TESC: variants seen among roughly 807,000 people sequenced by gnomAD.
The protein encoded by TESC is calcineurin B homologous protein 3.
A neutral mutation model predicts 31.0 loss-of-function variants in TESC; 19 were observed. That is an observed-to-expected ratio of 0.61 (90% CI 0.43 to 0.90). The LOEUF (loss-of-function observed/expected upper bound fraction) is 0.90. Among genes scored for constraint, TESC ranks in the 40% least tolerant of loss-of-function variants. TESC has a pLI of 0.00. For missense variants in TESC, 248 were observed against 303.8 expected (o/e 0.82, Z 1.36); for synonymous variants, 109 against 114.8 (o/e 0.95, Z 0.32).
chr12:117,051,022 G>A (rs1263343563), intron 3 of TESC, among the ~76,000 whole-genome samples: 3 of 152,166 alleles, frequency 2.0e-5, no homozygotes, highest in Non-Finnish European at 4.4e-5. Flanking sequence ...GACCATGAGC[G>A]CCCGAGGCTG....
intron 4 of TESC, among the ~76,000 whole-genome samples, chr12:117,048,196 C>T (rs1237655673): frequency 1.3e-5 from 2 of 152,214 alleles, no homozygotes; most frequent in African/African-American, 2.4e-5. Context: ...CGTTTGCCCA[C>T]GGCCACACCA....
chr12:117,095,049 A>G (rs1053337792), intron 1 of TESC, among the ~76,000 whole-genome samples: 1 of 149,704 alleles, frequency 6.7e-6, no homozygotes, highest in Non-Finnish European at 1.5e-5. Context: ...AGACAAGGTT[A>G]AGAGGAAAGG....
At chr12:117,087,638 C>A (rs771586841) in intron 1 of TESC, among the ~76,000 whole-genome samples, 6 of 152,222 alleles carry the variant, frequency 3.9e-5, no homozygotes, top group Admixed American at 3.9e-4. Flanking sequence ...CTTCCTACAG[C>A]TATGCTCTGT....
chr12:117,094,453 C>T (rs748073065), intron 1 of TESC, among the ~76,000 whole-genome samples: 1 of 152,148 alleles, frequency 6.6e-6, no homozygotes, highest in Non-Finnish European at 1.5e-5. Context: ...GCCCCTTTAA[C>T]GTGAGCCTCT....
chr12:117,088,720 A>G (rs1348332577), intron 1 of TESC, among the ~76,000 whole-genome samples: 1 of 151,832 alleles, frequency 6.6e-6, no homozygotes, highest in Non-Finnish European at 1.5e-5. Context: ...CTTCAGTAGG[A>G]CACTTAGATC....
At chr12:117,068,587 C>G in intron 2 of TESC, among the ~76,000 whole-genome samples, 1 of 152,158 alleles carries the variant, frequency 6.6e-6, no homozygotes, top group East Asian at 1.9e-4. Flanking sequence ...GGAGTTAGGA[C>G]ATTTTGCTGA....
intron 2 of TESC, among the ~76,000 whole-genome samples, chr12:117,057,902 A>G (rs1954748434): frequency 6.6e-6 from 1 of 152,164 alleles, no homozygotes; most frequent in Non-Finnish European, 1.5e-5. Context: ...TAGATGCTAC[A>G]ACACAAATGA....
At chr12:117,064,337 A>T (rs544095319) in intron 2 of TESC, among the ~76,000 whole-genome samples, 40 of 152,336 alleles carry the variant, frequency 2.6e-4, no homozygotes, top group Admixed American at 1.9e-3. Context: ...ATTTTTGCAC[A>T]GAAGATTCTG....
chr12:117,062,835 C>A (rs1954817112), intron 2 of TESC, among the ~76,000 whole-genome samples: 3 of 152,216 alleles, frequency 2.0e-5, no homozygotes, highest in Non-Finnish European at 4.4e-5. Flanking sequence ...GCAGCCCAGG[C>A]TGCAGCCATG....
intron 2 of TESC, among the ~76,000 whole-genome samples, chr12:117,059,924 G>C (rs1254757525): frequency 6.6e-6 from 1 of 152,138 alleles, no homozygotes; most frequent in Non-Finnish European, 1.5e-5. Context: ...CCACAGCACG[G>C]ATATACCTGG....
intron 2 of TESC, among the ~76,000 whole-genome samples, chr12:117,072,862 T>G (rs1305428046): frequency 6.6e-6 from 1 of 152,192 alleles, no homozygotes; most frequent in Non-Finnish European, 1.5e-5. Context: ...ACTGCAGTCT[T>G]GAACCCCTGG....
intron 2 of TESC, among the ~76,000 whole-genome samples, chr12:117,058,383 G>A (rs988672879): frequency 6.6e-6 from 1 of 152,100 alleles, no homozygotes. Context: ...GTTGTCAGGG[G>A]GTTGGGGAGA....
intron 1 of TESC, among the ~76,000 whole-genome samples, chr12:117,083,696 A>G (rs868744629): frequency 1.6e-4 from 24 of 152,232 alleles, no homozygotes; most frequent in African/African-American, 5.8e-4. Context: ...AGGCAAATCT[A>G]GTGAGAAATG....
rs116365174 is a variant in TESC, at chr12:117,064,532, C to T, written c.129-7646G>A. Among the ~76,000 whole-genome samples the T allele has an allele frequency of 2.2e-3, 328 of 152,308 alleles. 4 individuals are homozygous for T. Among genetic ancestry groups the T allele is most frequent in the African/African-American group, 7.5e-3 (312 of 41,580 alleles). On this transcript the variant is annotated intron_variant, in intron 2 of 7. Coordinates refer to ENST00000335209, the MANE Select transcript of TESC (RefSeq NM_017899.4). ...TGAAAGCAACTCAGCGACAAGCATTCGAGCCCCTTCAAGGAGCCAGGCACT... is the reference window on the plus strand; with the variant it reads ...TGAAAGCAACTCAGCGACAAGCATTTGAGCCCCTTCAAGGAGCCAGGCACT...
intron 1 of TESC, among the ~76,000 whole-genome samples, chr12:117,076,231 C>T (rs1477871555): frequency 6.6e-6 from 1 of 151,302 alleles, no homozygotes; most frequent in Non-Finnish European, 1.5e-5. Context: ...AGATGAGTAG[C>T]GAGAGGAAAT....
chr12:117,046,517 G>A, intron 6 of TESC, 42 bp downstream of exon 6: 1 of 1,517,928 alleles, frequency 6.6e-7, no homozygotes, highest in Non-Finnish European at 8.9e-7. Context: ...CCATAAGCGG[G>A]AAAGGCACTG....
chr12:117,071,214 C>G (rs1954967849), intron 2 of TESC, among the ~76,000 whole-genome samples: 1 of 152,202 alleles, frequency 6.6e-6, no homozygotes, highest in Admixed American at 6.5e-5. Flanking sequence ...TTCCTTTGTT[C>G]TTTCATTCAT....
intron 2 of TESC, among the ~76,000 whole-genome samples, chr12:117,070,172 C>T (rs1172770669): frequency 3.3e-5 from 5 of 152,162 alleles, no homozygotes; most frequent in Non-Finnish European, 5.9e-5. Flanking sequence ...GGTTGAAGAC[C>T]GGGCCTGGGG....
intron 3 of TESC, among the ~76,000 whole-genome samples, chr12:117,050,777 T>C (rs763337466): frequency 6.6e-6 from 1 of 152,066 alleles, no homozygotes; most frequent in Non-Finnish European, 1.5e-5. Flanking sequence ...TACAAAAAAT[T>C]AGATGGGTGC....
Sources: allele counts gnomAD v4.1 joint callset (sites outside exome capture counted in the v4.1 genomes callset), GRCh38; gene constraint gnomAD v4.1.1; transcripts MANE v1.5; gene names NCBI Gene and HGNC (gene_info 2026-07-23, HGNC 2026-07-21).